Variants in ZNF366 observed in about 807,000 individuals in gnomAD.
ZNF366 encodes dendritic cell-specific transcript protein.
A neutral mutation model predicts 47.2 loss-of-function variants in ZNF366; 20 were observed. The ratio of observed to expected loss-of-function variants is 0.42; its 90% CI spans 0.30 to 0.62. ZNF366 has a LOEUF of 0.62. Among genes scored for constraint, ZNF366 ranks in the 20% least tolerant of loss-of-function variants. The pLI, the probability that ZNF366 is intolerant of heterozygous loss-of-function variation, is 0.16. For synonymous variants in ZNF366, 421 were observed against 395.1 expected (o/e 1.07, Z -0.78); for missense variants, 987 against 976.3 (o/e 1.01, Z -0.15).
intron 3 of ZNF366, among the ~76,000 whole-genome samples, chr5:72,455,149 T>A (rs1743152991): frequency 6.6e-6 from 1 of 152,050 alleles, no homozygotes. Flanking sequence ...CAGAAGTGGG[T>A]GGCAGGAAAA....
chr5:72,479,496 C>T (rs1387373193), intron 1 of ZNF366, among the ~76,000 whole-genome samples: 2 of 151,220 alleles, frequency 1.3e-5, no homozygotes, highest in Non-Finnish European at 3.0e-5. Flanking sequence ...AATGACAAAC[C>T]AAAAAAATTT....
At chr5:72,456,688 T>C (rs910147202) in intron 2 of ZNF366, 93 bp from the exon 3 acceptor site, 11 of 1,297,344 alleles carry the variant, frequency 8.5e-6, no homozygotes, top group African/African-American at 4.4e-5. Context: ...GCCACATAAA[T>C]CCACAAAGAG....
Position 72,461,146 on chromosome 5 carries a change from C to T in ZNF366, c.351G>A (p.Pro117=), listed in dbSNP as rs752146376. 2 of 1,613,968 alleles carry T rather than the reference C, an allele frequency of 1.2e-6. No individual in the cohort carries two copies. The highest frequency in any genetic ancestry group is 2.7e-5 in the African/African-American group (2 of 74,876). ...HGLPNLPLLF[P]QPPRPKYDSQ... Reference sequence around the variant, plus strand: ...AGTCATACTTGGGGCGCGGGGGCTGCGGGAACAGCAAAGGGAGGTTGGGAA... The same window carrying T: ...AGTCATACTTGGGGCGCGGGGGCTGTGGGAACAGCAAAGGGAGGTTGGGAA... The change falls in exon 2 of 5, where the codon CCG becomes CCA. Residue 117 remains proline (P), a synonymous_variant. Coordinates refer to ENST00000318442, the MANE Select transcript of ZNF366 (RefSeq NM_152625.3).
At position 72,456,783 on chromosome 5, in the gene ZNF366, C is replaced by CT. The variant is rs543513371; in HGVS notation, c.1333-189dup. 2.0e-3 allele frequency among the ~76,000 whole-genome samples: 305 copies of CT among 152,058 alleles called. 2 individuals are homozygous for CT. Among genetic ancestry groups the CT allele is most frequent in the Middle Eastern group, 3.4e-3 (1 of 294 alleles). The stretch of plus-strand genomic sequence containing the variant: ...TCTTGAAAAGTGTTGATTATATAAC[C>CT]TTTTTTTTCCTTCTGAAAACCATAA... On this transcript the variant is annotated intron_variant, in intron 2 of 4. Transcript: ENST00000318442.
At chr5:72,466,619 T>G (rs1289524253) in intron 1 of ZNF366, among the ~76,000 whole-genome samples, 1 of 152,218 alleles carries the variant, frequency 6.6e-6, no homozygotes, top group African/African-American at 2.4e-5. Flanking sequence ...TGGCTCAAAG[T>G]AGATGCCCAA....
At chr5:72,462,751 A>G (rs1476710482) in intron 1 of ZNF366, among the ~76,000 whole-genome samples, 1 of 151,940 alleles carries the variant, frequency 6.6e-6, no homozygotes, top group African/African-American at 2.4e-5. Context: ...GGGTTTCACC[A>G]TGTTGGCCAG....
At chr5:72,445,017 T>C (rs895857028) in intron 4 of ZNF366, among the ~76,000 whole-genome samples, 1 of 152,174 alleles carries the variant, frequency 6.6e-6, no homozygotes, top group South Asian at 2.1e-4. Flanking sequence ...GAGAACCTAT[T>C]TGGGGCAGCA....
In ZNF366 at chr5:72,447,299, A is replaced by G; in HGVS notation, c.1643T>C (p.Leu548Pro). The change falls in exon 4 of 5, where the codon CTG (leucine) becomes CCG (proline). Residue 548 changes from leucine to proline, a missense_variant. By Grantham distance (98) the Leu-to-Pro change is moderately conservative (BLOSUM62 -3). Transcript: ENST00000318442. ...CPSKFTLKGN[L>P]TRHMKVKHGV... ...ATGCTTGACTTTCATGTGGCGTGTC[A>G]GGTTCCCCTTCAGGGTGAATTTGCT... 6.2e-7 allele frequency: 1 copy of G among 1,614,180 alleles called. No individual in the cohort carries two copies. The highest frequency in any genetic ancestry group is 8.5e-7 in the Non-Finnish European group (1 of 1,180,022).
At chr5:72,454,689 C>T (rs193111474) in intron 3 of ZNF366, among the ~76,000 whole-genome samples, 1 of 152,192 alleles carries the variant, frequency 6.6e-6, no homozygotes, top group East Asian at 1.9e-4. Context: ...ATGCTTGAAG[C>T]CCAAGAGTAA....
chr5:72,469,573 C>A (rs1743515264), intron 1 of ZNF366, among the ~76,000 whole-genome samples: 1 of 152,048 alleles, frequency 6.6e-6, no homozygotes, highest in Non-Finnish European at 1.5e-5. Context: ...CCTGCTCTTT[C>A]CAAAGGGGAG....
intron 1 of ZNF366, among the ~76,000 whole-genome samples, chr5:72,486,674 A>C (rs564076373): frequency 6.6e-6 from 1 of 152,272 alleles, no homozygotes; most frequent in South Asian, 2.1e-4. Context: ...CATTCCAGTA[A>C]ATGAGGCCTT....
chr5:72,447,456 C>A, intron 3 of ZNF366, 39 bp from the exon 4 acceptor site: 2 of 1,608,396 alleles, frequency 1.2e-6, no homozygotes, highest in African/African-American at 1.3e-5. Flanking sequence ...TTACTCTGCC[C>A]GAGTGAAGCC....
intron 1 of ZNF366, among the ~76,000 whole-genome samples, chr5:72,506,173 C>G (rs189561175): frequency 1.1e-4 from 16 of 152,318 alleles, no homozygotes; most frequent in Admixed American, 9.8e-4. Context: ...CAGTAAATTT[C>G]ATAGCAGTGA....
chr5:72,465,064 A>G (rs544715549), intron 1 of ZNF366, among the ~76,000 whole-genome samples: 1 of 152,308 alleles, frequency 6.6e-6, no homozygotes, highest in East Asian at 1.9e-4. Context: ...TCTAAAAAAA[A>G]GAAAAAGAAA....
chr5:72,494,006 T>C (rs1744065740), intron 1 of ZNF366, among the ~76,000 whole-genome samples: 1 of 149,594 alleles, frequency 6.7e-6, no homozygotes, highest in Non-Finnish European at 1.5e-5. Flanking sequence ...CTCCTGACCT[T>C]ATGATCTGCC....
intron 1 of ZNF366, among the ~76,000 whole-genome samples, chr5:72,468,315 C>T (rs890541446): frequency 6.6e-6 from 1 of 152,180 alleles, no homozygotes; most frequent in Non-Finnish European, 1.5e-5. Flanking sequence ...CTTCCAGATG[C>T]CCTTCTGGCC....
At position 72,441,404 on chromosome 5, in the gene ZNF366, G is replaced by A. The variant is rs533485791; in HGVS notation, c.*2352C>T. The A allele has an allele frequency of 3.9e-5, 6 of 152,332 alleles. No individual in the cohort carries two copies. Among genetic ancestry groups the A allele is most frequent in the Admixed American group, 3.9e-4 (6 of 15,306 alleles). The allele number at this position is 152,332 out of a possible 1,614,324, so 9.4% of individuals were successfully genotyped here. On this transcript the variant is annotated 3_prime_UTR_variant, in exon 5 of 5. Transcript: ENST00000318442. Reference sequence around the variant, plus strand: ...AGCATCCTGGGCAATTTCATCAGAGGCACTGATGAGCTATATTAATACTGA... The same window carrying A: ...AGCATCCTGGGCAATTTCATCAGAGACACTGATGAGCTATATTAATACTGA...
At chr5:72,481,023 G>A (rs997701593) in intron 1 of ZNF366, among the ~76,000 whole-genome samples, 32 of 152,012 alleles carry the variant, frequency 2.1e-4, no homozygotes, top group Admixed American at 1.9e-3. Context: ...ATTGAAGGAC[G>A]GAAGGAACAC....
At chr5:72,496,533 A>G (rs1744116360) in intron 1 of ZNF366, among the ~76,000 whole-genome samples, 1 of 152,126 alleles carries the variant, frequency 6.6e-6, no homozygotes, top group Non-Finnish European at 1.5e-5. Context: ...TTATCCACTC[A>G]CCAATTTATG....
Sources: gnomAD v4.1 joint callset for allele counts (sites outside exome capture counted in the v4.1 genomes callset) on GRCh38, gnomAD v4.1.1 for gene constraint, MANE v1.5 for transcripts, NCBI Gene and HGNC (gene_info 2026-07-23, HGNC 2026-07-21) for gene names.